Variants in SVIL observed in about 807,000 individuals in gnomAD.
SVIL encodes supervillin, also known as archvillin.
A neutral mutation model predicts 240.4 loss-of-function variants in SVIL; 101 were observed. That is an observed-to-expected ratio of 0.42 (90% CI 0.36 to 0.50). SVIL has a LOEUF of 0.50. SVIL is among the 20% of genes least tolerant of loss of function. SVIL has a pLI of 0.01. For missense variants in SVIL, 2,512 were observed against 2,818.7 expected (o/e 0.89, Z 2.46); for synonymous variants, 999 against 1,100.0 (o/e 0.91, Z 1.82).
Position 29,543,578 on chromosome 10 carries a change from A to G in SVIL, c.827+7019T>C, listed in dbSNP as rs181269978. On this transcript the variant is annotated intron_variant, in intron 6 of 37. Transcript: ENST00000355867. ...TAAATTCAAGACTTCATTAAATTTCACCTTGTTAGTTTCTAACCATTGTTC... is the reference window on the plus strand; with the variant it reads ...TAAATTCAAGACTTCATTAAATTTCGCCTTGTTAGTTTCTAACCATTGTTC... 5.1e-3 allele frequency among the ~76,000 whole-genome samples: 770 copies of G among 152,086 alleles called. 49 individuals are homozygous for G. In the South Asian group the frequency reaches 0.12, roughly 24 times the overall value.
intron 1 of SVIL, among the ~76,000 whole-genome samples, chr10:29,592,953 CTA>C (rs1482346704): frequency 6.6e-6 from 1 of 152,126 alleles, no homozygotes; most frequent in Non-Finnish European, 1.5e-5. Context: ...AAAAAAGTCT[CTA>C]AAATTCTAAT....
At chr10:29,552,562 C>CAAAAAA (rs3031442) in intron 5 of SVIL, among the ~76,000 whole-genome samples, 49 of 82,394 alleles carry the variant, frequency 5.9e-4, no homozygotes, top group African/African-American at 1.5e-3. Context: ...GACTCTGTCT[C>CAAAAAA]AAAAAAAAAA....
intron 1 of SVIL, among the ~76,000 whole-genome samples, chr10:29,632,360 A>G (rs2132952425): frequency 6.6e-6 from 1 of 152,094 alleles, no homozygotes; most frequent in Non-Finnish European, 1.5e-5. Flanking sequence ...GCGCAGTGGC[A>G]TATGCCTGTA....
chr10:29,538,740 A>C (rs6481614), intron 6 of SVIL, among the ~76,000 whole-genome samples: 83,867 of 152,170 alleles, frequency 0.55, 24,335 homozygotes, highest in African/African-American at 0.75. Context: ...GTATTAAGTG[A>C]ATTTTTGACT....
chr10:29,622,850 C>G (rs755029011), intron 1 of SVIL, among the ~76,000 whole-genome samples: 24 of 152,170 alleles, frequency 1.6e-4, no homozygotes, highest in African/African-American at 5.5e-4. Flanking sequence ...GCTCCCTAAG[C>G]GAGAGCTGCC....
intron 2 of SVIL, among the ~76,000 whole-genome samples, chr10:29,668,716 C>T (rs572853942): frequency 7.6e-4 from 115 of 152,296 alleles, no homozygotes; most frequent in Non-Finnish European, 1.3e-3. Flanking sequence ...TCAGGTGATC[C>T]ACCCACCTTG....
Position 29,702,297 on chromosome 10 carries a change from T to C in SVIL, c.-399-15646A>G, listed in dbSNP as rs1589544126. On this transcript the variant is annotated intron_variant, in intron 1 of 35. Transcript: ENST00000375400. ...ATTTTGAATAAATGTTCCATCAAAA[T>C]AAGAAAAAAATATTCAAAGAAAAAA... 8.8e-5 allele frequency among the ~76,000 whole-genome samples: 11 copies of C among 124,710 alleles called. No individual in the cohort carries two copies. In the South Asian group the frequency reaches 3.0e-3, roughly 34 times the overall value. 81.8% of individuals were successfully genotyped at this position (124,710 alleles called of 152,430 possible).
At chr10:29,470,169 A>G (rs1945393462) in intron 32 of SVIL, 107 bp downstream of exon 32, 3 of 1,309,192 alleles carry the variant, frequency 2.3e-6, no homozygotes, top group Admixed American at 3.8e-5. Context: ...TGCTGCAGTC[A>G]CTTTCAGCAC....
intron 1 of SVIL, among the ~76,000 whole-genome samples, chr10:29,578,088 G>A (rs189340420): frequency 1.3e-5 from 2 of 152,184 alleles, no homozygotes; most frequent in East Asian, 1.9e-4. Flanking sequence ...TCAATTACAC[G>A]AGCAAACCAG....
chr10:29,583,302 ATTT>A (rs1301600862), intron 1 of SVIL, among the ~76,000 whole-genome samples: 1 of 151,998 alleles, frequency 6.6e-6, no homozygotes, highest in Non-Finnish European at 1.5e-5. Flanking sequence ...TCCATGGGTT[ATTT>A]TTTATTTTTT....
chr10:29,588,957 AC>A (rs1956280673), intron 1 of SVIL, among the ~76,000 whole-genome samples: 1 of 151,704 alleles, frequency 6.6e-6, no homozygotes, highest in South Asian at 2.1e-4. Context: ...AAGTCCTCAA[AC>A]CCAAACCCAG....
At chr10:29,678,433 G>C (rs534477955) in intron 2 of SVIL, among the ~76,000 whole-genome samples, 2 of 152,096 alleles carry the variant, frequency 1.3e-5, no homozygotes, top group African/African-American at 4.8e-5. Context: ...GACAGGAGGC[G>C]GAACTCAGGG....
chr10:29,577,149 G>A (rs934397818), intron 1 of SVIL, among the ~76,000 whole-genome samples: 2 of 152,172 alleles, frequency 1.3e-5, no homozygotes, highest in African/African-American at 4.8e-5. Context: ...AAAGTGCTGG[G>A]ATTACAGGTG....
At chr10:29,728,804 C>A (rs1019507965) in intron 1 of SVIL, among the ~76,000 whole-genome samples, 2 of 152,076 alleles carry the variant, frequency 1.3e-5, no homozygotes, top group African/African-American at 4.8e-5. Flanking sequence ...GAAACTTACC[C>A]CAAGTCAAAG....
intron 17 of SVIL, among the ~76,000 whole-genome samples, chr10:29,503,785 A>C (rs950225162): frequency 6.6e-6 from 1 of 152,210 alleles, no homozygotes; most frequent in Admixed American, 6.5e-5. Flanking sequence ...TCCCAACTTG[A>C]GCTGTACATT....
At chr10:29,687,835 T>C (rs1346741195) in intron 1 of SVIL, among the ~76,000 whole-genome samples, 1 of 152,240 alleles carries the variant, frequency 6.6e-6, no homozygotes, top group Non-Finnish European at 1.5e-5. Context: ...GTTTTTCCCC[T>C]GGATTATGCC....
chr10:29,481,295 A>G (rs1454345296), intron 28 of SVIL, among the ~76,000 whole-genome samples: 1 of 151,868 alleles, frequency 6.6e-6, no homozygotes, highest in African/African-American at 2.4e-5. Flanking sequence ...GGGTGTGGGA[A>G]GGAGACGGGA....
chr10:29,459,977 C>A (rs1369261762), intron 36 of SVIL, among the ~76,000 whole-genome samples: 2 of 152,038 alleles, frequency 1.3e-5, no homozygotes, highest in African/African-American at 4.8e-5. Context: ...TGTAGTCCTA[C>A]CTACTTGGGG....
intron 36 of SVIL, among the ~76,000 whole-genome samples, chr10:29,460,180 C>G (rs541599030): frequency 6.6e-6 from 1 of 152,196 alleles, no homozygotes; most frequent in South Asian, 2.1e-4. Flanking sequence ...GGCCAAGTGA[C>G]TTCGTGTTTT....
Sources: allele counts gnomAD v4.1 joint callset (sites outside exome capture counted in the v4.1 genomes callset), GRCh38; gene constraint gnomAD v4.1.1; transcripts MANE v1.5; gene names NCBI Gene and HGNC (gene_info 2026-07-23, HGNC 2026-07-21).